RPS6KA2: variants seen among roughly 807,000 people sequenced by gnomAD.
RPS6KA2 encodes the protein ribosomal protein S6 kinase alpha-2.
In RPS6KA2, 42 loss-of-function variants were observed where a neutral mutation model predicts 91.8. That is an observed-to-expected ratio of 0.46 (90% CI 0.36 to 0.59). The LOEUF is 0.59. RPS6KA2 is among the 20% of genes least tolerant of loss of function. The pLI is 0.00. For synonymous variants in RPS6KA2, 414 were observed against 393.6 expected, an observed-to-expected ratio of 1.05 and a Z score of -0.61; for missense variants, 798 against 978.5, an observed-to-expected ratio of 0.82 and a Z score of 2.46.
chr6:166,692,837 A>C (rs1319368236), intron 2 of RPS6KA2, among the ~76,000 whole-genome samples: 16 of 152,218 alleles, frequency 1.1e-4, no homozygotes, highest in African/African-American at 3.6e-4. Context: ...CGGAGGAGAG[A>C]GAGCATGTCG....
At chr6:166,851,374 T>C (rs1382472414) in intron 2 of RPS6KA2, among the ~76,000 whole-genome samples, 1 of 152,202 alleles carries the variant, frequency 6.6e-6, no homozygotes, top group Non-Finnish European at 1.5e-5. Flanking sequence ...CTTCATGATT[T>C]AGCAACGACC....
intron 1 of RPS6KA2, among the ~76,000 whole-genome samples, chr6:166,544,255 G>A (rs1783752444): frequency 6.6e-6 from 1 of 152,214 alleles, no homozygotes; most frequent in South Asian, 2.1e-4. Flanking sequence ...TGGAAGCTCA[G>A]GAATGCTTTT....
chr6:166,454,899 A>G (rs1161479915), intron 12 of RPS6KA2, among the ~76,000 whole-genome samples: 1 of 150,274 alleles, frequency 6.7e-6, no homozygotes, highest in Non-Finnish European at 1.5e-5. Context: ...AAAATAGAAT[A>G]TATATTACAC....
chr6:166,728,743 C>G (rs1049428761), intron 2 of RPS6KA2, among the ~76,000 whole-genome samples: 2 of 152,134 alleles, frequency 1.3e-5, no homozygotes, highest in Non-Finnish European at 2.9e-5. Flanking sequence ...ATGGTCTCGA[C>G]GCATACAGAT....
chr6:166,493,118 C>T lies in RPS6KA2; in HGVS notation c.748-2377G>A, dbSNP rs1391064563. Among the ~76,000 whole-genome samples the T allele has an allele frequency of 6.6e-6, 1 of 152,106 alleles. No homozygotes were observed. Among genetic ancestry groups the T allele is most frequent in the Non-Finnish European group, 1.5e-5 (1 of 68,008 alleles). On this transcript the variant is annotated intron_variant, in intron 8 of 20. Transcript: ENST00000265678. This position sits in a 1 kb window ranked among gnomAD's most constrained non-coding sequence, Gnocchi z 4.7. ...GTTCTCTCTCTTCCTCCCCTTCTTC[C>T]TCCATCCATATGGTAGGAGGTCCCC...
intron 10 of RPS6KA2, among the ~76,000 whole-genome samples, chr6:166,480,506 T>TA (rs1282552320): frequency 9.9e-6 from 1 of 100,780 alleles, no homozygotes; most frequent in African/African-American, 3.8e-5. Context: ...TATATATATA[T>TA]ATATATATAA....
At chr6:166,576,914 T>C (rs1240491046) in intron 1 of RPS6KA2, among the ~76,000 whole-genome samples, 3 of 151,512 alleles carry the variant, frequency 2.0e-5, no homozygotes, top group Non-Finnish European at 2.9e-5. Context: ...TAGGAGAAAA[T>C]GGTTTCCTGG....
chr6:166,790,896 C>T (rs1349106741), intron 2 of RPS6KA2, among the ~76,000 whole-genome samples: 1 of 152,118 alleles, frequency 6.6e-6, no homozygotes, highest in Admixed American at 6.5e-5. Flanking sequence ...CCGGTACCAG[C>T]CACTGCAAAA....
chr6:166,623,552 C>G (rs546692092), intron 1 of RPS6KA2, among the ~76,000 whole-genome samples: 17 of 152,344 alleles, frequency 1.1e-4, no homozygotes, highest in African/African-American at 3.1e-4. Context: ...TATCCTATCC[C>G]AGCCAGGTGA....
At chr6:166,523,410 G>T (rs1340736701) in intron 3 of RPS6KA2, among the ~76,000 whole-genome samples, 6 of 152,178 alleles carry the variant, frequency 3.9e-5, no homozygotes, top group Admixed American at 3.9e-4. Flanking sequence ...CTGTCATCTG[G>T]TGAGGATGCA....
intron 6 of RPS6KA2, 121 bp downstream of exon 6, chr6:166,504,385 C>T: frequency 3.2e-6 from 2 of 617,644 alleles, no homozygotes. Context: ...TCTCCCCAGC[C>T]TGCTCTCTGA....
At chr6:166,751,592 G>A (rs866438957) in intron 2 of RPS6KA2, among the ~76,000 whole-genome samples, 31 of 152,370 alleles carry the variant, frequency 2.0e-4, no homozygotes, top group Middle Eastern at 3.4e-3. Flanking sequence ...CGGCTGGGCC[G>A]CCACTGGAGC....
At chr6:166,449,778 AGGGACCACCATGGGAGCCACCACG>A (rs565347114) in intron 13 of RPS6KA2, among the ~76,000 whole-genome samples, 18,345 of 143,750 alleles carry the variant, frequency 0.13, 1,503 homozygotes, top group Admixed American at 0.17. Flanking sequence ...AGACCATTAC[AGGGACCACCATGGGAGCCACCACG>A]GGGACCACCA....
intron 1 of RPS6KA2, among the ~76,000 whole-genome samples, chr6:166,608,888 C>T (rs1740675645): frequency 6.6e-6 from 1 of 152,068 alleles, no homozygotes; most frequent in Non-Finnish European, 1.5e-5. Flanking sequence ...CAAGCTAAGG[C>T]TAATTTTTTC....
chr6:166,427,432 G>A (rs1778964698), intron 16 of RPS6KA2, among the ~76,000 whole-genome samples: 1 of 152,086 alleles, frequency 6.6e-6, no homozygotes, highest in East Asian at 1.9e-4. Flanking sequence ...ATTCAACATA[G>A]TGTTGGAAGT....
rs774290468 is a variant in RPS6KA2, at chr6:166,612,665, G to A, written c.99+14256C>T. 1.8e-4 allele frequency among the ~76,000 whole-genome samples: 27 copies of A among 152,180 alleles called. No homozygotes were observed. Among genetic ancestry groups the A allele is most frequent in the African/African-American group, 5.5e-4 (23 of 41,558 alleles). On this transcript the variant is annotated intron_variant, in intron 1 of 20. Coordinates refer to ENST00000265678, the MANE Select transcript of RPS6KA2 (RefSeq NM_021135.6). This position sits in a 1 kb window ranked among gnomAD's most constrained non-coding sequence, Gnocchi z 4.3. The stretch of plus-strand genomic sequence containing the variant: ...CTGTGCTCCATTTATCACTCTGTCC[G>A]GGCGTCTGTTGTTACCCATGCTCGG...
intron 8 of RPS6KA2, among the ~76,000 whole-genome samples, chr6:166,491,891 A>G (rs1781598990): frequency 6.6e-6 from 1 of 152,228 alleles, no homozygotes; most frequent in Non-Finnish European, 1.5e-5. Context: ...ACAGAATAAT[A>G]TAAAACTTTC....
At chr6:166,619,172 C>T (rs1337437145) in intron 1 of RPS6KA2, among the ~76,000 whole-genome samples, 1 of 152,206 alleles carries the variant, frequency 6.6e-6, no homozygotes, top group Non-Finnish European at 1.5e-5. Flanking sequence ...CATCATGATC[C>T]ATGCGTTTTC....
At chr6:166,599,991 T>C (rs896764032) in intron 1 of RPS6KA2, among the ~76,000 whole-genome samples, 15 of 151,480 alleles carry the variant, frequency 9.9e-5, no homozygotes, top group Admixed American at 8.5e-4. Context: ...TGGGTGAGGG[T>C]GGTAAGTTTG....
Sources: gnomAD v4.1 joint callset for allele counts (sites outside exome capture counted in the v4.1 genomes callset) on GRCh38, gnomAD v4.1.1 for gene constraint, Gnocchi (gnomAD v3.1) non-coding constraint, MANE v1.5 for transcripts, NCBI Gene and HGNC (gene_info 2026-07-23, HGNC 2026-07-21) for gene names.